UQCC1: variants seen among roughly 807,000 people sequenced by gnomAD.
The protein encoded by UQCC1 is ubiquinol-cytochrome c reductase complex assembly factor 1, also known as bFGF-repressed Zic-binding protein.
A neutral mutation model predicts 48.0 loss-of-function variants in UQCC1; 38 were observed. That is an observed-to-expected ratio of 0.79 (90% CI 0.61 to 1.04). The LOEUF (loss-of-function observed/expected upper bound fraction) is 1.04, where lower values mean the gene tolerates loss of function less well. Among genes scored for constraint, UQCC1 ranks in the 50% least tolerant of loss-of-function variants. The pLI, the probability that UQCC1 is intolerant of heterozygous loss-of-function variation, is 0.00. For synonymous variants in UQCC1, 111 were observed against 129.2 expected, an observed-to-expected ratio of 0.86 and a Z score of 0.95; for missense variants, 368 against 381.8, an observed-to-expected ratio of 0.96 and a Z score of 0.30.
At chr20:35,404,507 T>A (rs1319931997) in intron 1 of UQCC1, among the ~76,000 whole-genome samples, 2 of 151,756 alleles carry the variant, frequency 1.3e-5, no homozygotes, top group Non-Finnish European at 2.9e-5. Context: ...GCCAGTGCAC[T>A]CCAGCCTGGG....
chr20:35,384,479 A>G (rs1330555983), intron 2 of UQCC1: 1 of 332,236 alleles, frequency 3.0e-6, no homozygotes, highest in African/African-American at 2.2e-5. Flanking sequence ...TATTTCTACA[A>G]ATTTTTTTTT....
chr20:35,384,198 G>C (rs998149713), intron 2 of UQCC1, 65 bp from the exon 3 acceptor site: 2 of 1,396,244 alleles, frequency 1.4e-6, no homozygotes, highest in Non-Finnish European at 2.0e-6. Context: ...GAACAGAGCT[G>C]TTTCAAAGTA....
intron 8 of UQCC1, chr20:35,309,328 A>G: frequency 2.6e-6 from 1 of 381,756 alleles, no homozygotes; most frequent in South Asian, 1.9e-5. Flanking sequence ...GCTACTCGGG[A>G]GGATGAGGTG....
chr20:35,405,114 C>A lies in UQCC1; in HGVS notation c.24+6826G>T, dbSNP rs554646117. On this transcript the variant is annotated intron_variant, in intron 1 of 9. Transcript: ENST00000374385. ...AAAGTTAAGGCAGAGTTATCGAATG[C>A]CTGGCAGAGTGTTATAGGTACATCC... Among the ~76,000 whole-genome samples the A allele has an allele frequency of 3.8e-4, 58 of 152,226 alleles. 1 individual carries two copies. The South Asian group carries it at 0.012, about 31-fold the overall frequency.
intron 7 of UQCC1, among the ~76,000 whole-genome samples, chr20:35,318,039 C>T (rs1049683718): frequency 3.9e-5 from 6 of 152,206 alleles, no homozygotes; most frequent in Non-Finnish European, 2.9e-5. Flanking sequence ...GATCTCCCTA[C>T]TCCCACATGA....
intron 7 of UQCC1, among the ~76,000 whole-genome samples, chr20:35,320,413 G>C (rs2061110297): frequency 6.6e-6 from 1 of 152,188 alleles, no homozygotes; most frequent in South Asian, 2.1e-4. Context: ...GAAATAGTGG[G>C]GTCAAGATAA....
intron 4 of UQCC1, among the ~76,000 whole-genome samples, chr20:35,381,149 A>G (rs557325438): frequency 6.6e-6 from 1 of 152,348 alleles, no homozygotes; most frequent in Non-Finnish European, 1.5e-5. Context: ...ATTATAACAG[A>G]TAATGTGCTA....
intron 7 of UQCC1, among the ~76,000 whole-genome samples, chr20:35,338,411 G>A (rs961991973): frequency 1.3e-5 from 2 of 152,110 alleles, no homozygotes; most frequent in Non-Finnish European, 2.9e-5. Context: ...ACACTGGACT[G>A]GAAATTGGTG....
At chr20:35,387,166 A>G (rs1388467948) in intron 2 of UQCC1, among the ~76,000 whole-genome samples, 1 of 151,960 alleles carries the variant, frequency 6.6e-6, no homozygotes, top group Admixed American at 6.6e-5. Context: ...TGTGCCTGTA[A>G]TCCCAGCTAC....
intron 7 of UQCC1, among the ~76,000 whole-genome samples, chr20:35,329,453 CT>C (rs1410915183): frequency 1.3e-5 from 2 of 152,172 alleles, no homozygotes; most frequent in African/African-American, 4.8e-5. Flanking sequence ...GAAAGACCAG[CT>C]AAAGAGAGGA....
At chr20:35,338,261 G>C (rs2061335313) in intron 7 of UQCC1, among the ~76,000 whole-genome samples, 1 of 152,132 alleles carries the variant, frequency 6.6e-6, no homozygotes, top group African/African-American at 2.4e-5. Context: ...CCTCAGGCTT[G>C]GGAGTGCACT....
chr20:35,314,893 T>C, intron 7 of UQCC1, 128 bp from the exon 8 acceptor site: 1 of 603,320 alleles, frequency 1.7e-6, no homozygotes. Flanking sequence ...CAAGTCAAGC[T>C]GCCAGTCCAT....
intron 7 of UQCC1, among the ~76,000 whole-genome samples, chr20:35,341,493 T>C (rs1485672962): frequency 6.6e-6 from 1 of 152,164 alleles, no homozygotes; most frequent in East Asian, 1.9e-4. Flanking sequence ...CAGGACTGGC[T>C]TCCTTCATTC....
At chr20:35,399,158 C>G (rs1490190704) in intron 1 of UQCC1, among the ~76,000 whole-genome samples, 1 of 152,130 alleles carries the variant, frequency 6.6e-6, no homozygotes, top group Admixed American at 6.5e-5. Flanking sequence ...TTCCTAAAAG[C>G]ACTTTGATAA....
chr20:35,315,103 A>C, intron 7 of UQCC1: 1 of 169,622 alleles, frequency 5.9e-6, no homozygotes, highest in Non-Finnish European at 1.3e-5. Context: ...GCATATAAAA[A>C]ATAATTATAC....
intron 6 of UQCC1, among the ~76,000 whole-genome samples, chr20:35,353,481 A>T (rs772875097): frequency 9.2e-5 from 14 of 151,784 alleles, no homozygotes; most frequent in Non-Finnish European, 1.5e-5. Flanking sequence ...TGAAGAAAAA[A>T]TTTCAAAATA....
rs532742326 is a variant in UQCC1, at chr20:35,359,304, G to A, written c.464+7253C>T. Among the ~76,000 whole-genome samples, 34 of 152,306 alleles carry A rather than the reference G, an allele frequency of 2.2e-4. 1 individual carries two copies. The South Asian group carries it at 6.6e-3, about 30-fold the overall frequency. On this transcript the variant is annotated intron_variant, in intron 6 of 9. Coordinates refer to ENST00000374385, the MANE Select transcript of UQCC1 (RefSeq NM_018244.5). ...GAGGTTAAGTAACTTAAGGTTGCAC[G>A]GTAGAGAAGAAAGAAGCTGGAATGA...
At chr20:35,400,871 G>A (rs931020447) in intron 1 of UQCC1, among the ~76,000 whole-genome samples, 1 of 152,138 alleles carries the variant, frequency 6.6e-6, no homozygotes, top group Non-Finnish European at 1.5e-5. Context: ...TTTTACATCA[G>A]TATTTCAAAA....
chr20:35,313,374 T>TAAAAAA (rs1182863735), intron 8 of UQCC1, among the ~76,000 whole-genome samples: 2 of 45,464 alleles, frequency 4.4e-5, no homozygotes, highest in African/African-American at 9.4e-5. Context: ...AGACTCTGTC[T>TAAAAAA]AAAAAAAAAA....
Sources: allele counts gnomAD v4.1 joint callset (sites outside exome capture counted in the v4.1 genomes callset), GRCh38; gene constraint gnomAD v4.1.1; transcripts MANE v1.5; gene names NCBI Gene and HGNC (gene_info 2026-07-23, HGNC 2026-07-21).